The following EIF4G1 variants were observed in gnomAD, a reference collection of about 807,000 sequenced individuals.
The protein encoded by EIF4G1 is EIF4-gamma.
EIF4G1 carries 4 observed loss-of-function variants against 187.8 expected under a neutral mutation model. That is an observed-to-expected ratio of 0.02 (90% CI 0.01 to 0.05). The LOEUF is 0.05. Among genes scored for constraint, EIF4G1 ranks in the 10% least tolerant of loss-of-function variants. The pLI is 1.00. For missense variants in EIF4G1, 1,647 were observed against 2,081.1 expected (o/e 0.79, Z 4.06); for synonymous variants, 844 against 781.4 (o/e 1.08, Z -1.34).
Position 184,316,221 on chromosome 3 carries a change from G to A in EIF4G1, c.147+3G>A. Reference sequence around the variant, plus strand: ...ACACGCCTTCTCAGCCCCGCCAGGTGAGGGGCTGTGGGGAGGGGAGTAGGG... The same window carrying A: ...ACACGCCTTCTCAGCCCCGCCAGGTAAGGGGCTGTGGGGAGGGGAGTAGGG... On this transcript the variant is annotated splice_donor_region_variant and intron_variant, in intron 4 of 32. Coordinates refer to ENST00000346169, the MANE Select transcript of EIF4G1 (RefSeq NM_198241.3). The A allele has an allele frequency of 6.2e-7, 1 of 1,614,032 alleles. No homozygotes were observed. The highest frequency in any genetic ancestry group is 1.7e-4 in the Middle Eastern group (1 of 6,058).
chr3:184,331,161 A>G (rs1726023509), intron 28 of EIF4G1, 105 bp from the exon 29 acceptor site: 1 of 1,210,790 alleles, frequency 8.3e-7, no homozygotes, highest in Non-Finnish European at 1.2e-6. Context: ...CCTAGCAAGT[A>G]CCTAGTAGGC....
chr3:184,331,562 C>T lies in EIF4G1; in HGVS notation c.4351C>T (p.Leu1451=). 6.2e-7 allele frequency: 1 copy of T among 1,605,492 alleles called. No individual in the cohort carries two copies. Among genetic ancestry groups the T allele is most frequent in the Non-Finnish European group, 8.5e-7 (1 of 1,178,170 alleles). ...GCTGAACAGGCAGCTGGAGAAGCTGCTGAAGGAGGGCAGCAGTAACCAGCG... is the reference window on the plus strand; with the variant it reads ...GCTGAACAGGCAGCTGGAGAAGCTGTTGAAGGAGGGCAGCAGTAACCAGCG... The part of the protein sequence containing the change: ...EELNRQLEKL[L]KEGSSNQRVF... The change falls in exon 30 of 33, where the codon CTG becomes TTG. Residue 1451 remains leucine, a synonymous_variant. Transcript: ENST00000346169.
At chr3:184,326,169 C>T (rs137907713) in intron 21 of EIF4G1, among the ~76,000 whole-genome samples, 4 of 150,432 alleles carry the variant, frequency 2.7e-5, no homozygotes, top group East Asian at 3.9e-4. Context: ...CACACACACA[C>T]GTGCCAGATC....
At chr3:184,316,612 C>T in intron 4 of EIF4G1, 1 of 1,156,814 alleles carries the variant, frequency 8.6e-7, no homozygotes, top group Non-Finnish European at 1.2e-6. Flanking sequence ...TTCTTCCTTA[C>T]TAAGTGGGAG....
chr3:184,328,534 G>A, intron 26 of EIF4G1, 97 bp from the exon 27 acceptor site: 2 of 1,551,864 alleles, frequency 1.3e-6, no homozygotes, highest in Non-Finnish European at 1.8e-6. Context: ...AAATGTTCCT[G>A]GGGGTTCCAT....
At chr3:184,324,433 A>G in intron 17 of EIF4G1, 86 bp downstream of exon 17, 1 of 1,593,382 alleles carries the variant, frequency 6.3e-7, no homozygotes, top group Non-Finnish European at 8.6e-7. Flanking sequence ...TTTGGAATGG[A>G]GGTAGTGGTG....
rs1724181393 is a variant in EIF4G1, at chr3:184,323,020, G to A, written c.1930-63G>A. On this transcript the variant is annotated intron_variant, in intron 13 of 32. Transcript: ENST00000346169. The surrounding 1 kb of genome is among the most constrained non-coding windows in gnomAD (Gnocchi z 6.9). ...TGGATGGATTGGGGAGGAGCCTGAG[G>A]TCCTGAAAGAGTAGTCAACCGCTCT... 1 of 1,614,176 alleles carries A rather than the reference G, an allele frequency of 6.2e-7. No homozygotes were observed. The highest frequency in any genetic ancestry group is 1.7e-5 in the Admixed American group (1 of 60,024).
chr3:184,327,619 C>T lies in EIF4G1; in HGVS notation c.3695C>T (p.Pro1232Leu). 1 of 1,614,172 alleles carries T rather than the reference C, an allele frequency of 6.2e-7. No individual in the cohort carries two copies. The highest frequency in any genetic ancestry group is 8.5e-7 in the Non-Finnish European group (1 of 1,180,012). The change falls in exon 25 of 33, where the codon CCC becomes CTC. Residue 1232 changes from proline to leucine, a missense_variant. Pro to Leu is a moderately conservative substitution (Grantham distance 98). Transcript: ENST00000346169. Reference sequence around the variant, plus strand: ...GAAGCTGCCCTACCCCCAGTGAGCCCCCTGAAGGCGGCTCTCTCTGAGGAG... The same window carrying T: ...GAAGCTGCCCTACCCCCAGTGAGCCTCCTGAAGGCGGCTCTCTCTGAGGAG... ...KREAALPPVS[P>L]LKAALSEEEL...
chr3:184,327,692 C>G lies in EIF4G1; in HGVS notation c.3768C>G (p.Leu1256=). ...CTATCATTGAGGAATATCTCCATCT[C>G]AATGACATGAAAGTAGGCAGTGGGA... ...SKAIIEEYLH[L]NDMKEAVQCV... Residue 1256 remains leucine (L), a synonymous_variant, in exon 25 of 33, where the codon CTC becomes CTG. Transcript: ENST00000346169. The G allele has an allele frequency of 6.2e-7, 1 of 1,614,164 alleles. No homozygotes were observed. Among genetic ancestry groups the G allele is most frequent in the East Asian group, 2.2e-5 (1 of 44,878 alleles).
At chr3:184,327,527 C>A in intron 24 of EIF4G1, 59 bp from the exon 25 acceptor site, 1 of 1,612,584 alleles carries the variant, frequency 6.2e-7, no homozygotes, top group Admixed American at 1.7e-5. Context: ...TTGAGAGCTC[C>A]AAATCTTGTT....
rs1724115224 is a variant in EIF4G1 at position 184,322,622 on chromosome 3, G to T, written c.1687G>T (p.Val563Leu). Residue 563 changes from valine to leucine, a missense_variant, in exon 12 of 33, where the codon GTG becomes TTG. Val to Leu is a conservative substitution (Grantham distance 32, BLOSUM62 1). Coordinates refer to ENST00000346169, the MANE Select transcript of EIF4G1 (RefSeq NM_198241.3). Reference sequence around the variant, plus strand: ...AGGCCCAGAGTCTGAGGGCAGTGGTGTGCCCCCACGTCCTGAGGAAGCAGA... The same window carrying T: ...AGGCCCAGAGTCTGAGGGCAGTGGTTTGCCCCCACGTCCTGAGGAAGCAGA... ...NPGPESEGSG[V>L]PPRPEEADET... 1.6e-5 allele frequency: 26 copies of T among 1,614,214 alleles called. No individual in the cohort carries two copies. The highest frequency in any genetic ancestry group is 2.1e-5 in the Non-Finnish European group (25 of 1,180,036).
chr3:184,330,983 G>A (rs937589334), intron 28 of EIF4G1, among the ~76,000 whole-genome samples: 5 of 152,112 alleles, frequency 3.3e-5, no homozygotes, highest in Non-Finnish European at 7.4e-5. Flanking sequence ...CAGGTGATCC[G>A]CCCACCTCGA....
rs774628949 is a variant in EIF4G1, at chr3:184,334,884, A to G, written c.4776A>G (p.Ala1592=). The G allele has an allele frequency of 1.2e-6, 2 of 1,614,064 alleles. No individual in the cohort carries two copies. Among genetic ancestry groups the G allele is most frequent in the Non-Finnish European group, 1.7e-6 (2 of 1,180,022 alleles). ...VTAFFKWLRE[A]EEESDHN is the part of the protein sequence containing the mutation. ...CCTTCTTCAAGTGGCTCCGTGAAGC[A>G]GAGGAGGAGTCTGACCACAACTGAG... Residue 1592 remains alanine (A), a synonymous_variant, in exon 33 of 33, where the codon GCA becomes GCG. Transcript: ENST00000346169. This position sits in a 1 kb window ranked among gnomAD's most constrained non-coding sequence, Gnocchi z 5.8.
At chr3:184,324,115 C>A (rs949968758) in intron 16 of EIF4G1, 86 bp from the exon 17 acceptor site, 1 of 1,607,890 alleles carries the variant, frequency 6.2e-7, no homozygotes, top group Non-Finnish European at 8.5e-7. Context: ...GGCCAGAGAT[C>A]TTCCTGGGTC....
chr3:184,328,039 A>G, intron 26 of EIF4G1, 37 bp downstream of exon 26: 1 of 1,597,000 alleles, frequency 6.3e-7, no homozygotes, highest in South Asian at 1.1e-5. Flanking sequence ...ACTTATACAG[A>G]CCCACAATTT....
At position 184,326,675 on chromosome 3, in the gene EIF4G1, C is replaced by T. The variant is rs1724981628; in HGVS notation, c.3325+46C>T. ...GCTGGGTGGTTACCCGTCAGAGCTC[C>T]CTTGAGGACAGAGCCTTTTCTGTTA... On this transcript the variant is annotated intron_variant, in intron 22 of 32. Transcript: ENST00000346169. The T allele has an allele frequency of 1.9e-6, 3 of 1,598,756 alleles. No homozygotes were observed. The Admixed American group carries it at 5.0e-5, about 27-fold the overall frequency.
intron 4 of EIF4G1, chr3:184,316,624 A>G: frequency 7.9e-7 from 1 of 1,270,050 alleles, no homozygotes; most frequent in Non-Finnish European, 1.1e-6. Flanking sequence ...AAGTGGGAGG[A>G]TTCTTGTCCT....
At position 184,323,777 on chromosome 3, in the gene EIF4G1, C is replaced by T. The variant is rs187829498; in HGVS notation, c.2275-3C>T. The stretch of plus-strand genomic sequence containing the variant: ...CTGGAACTCTTGTCTCTTCTCCCTC[C>T]AGGACCTATTCCGCAGGGTGCGCTC... On this transcript the variant is annotated splice_region_variant and splice_polypyrimidine_tract_variant and intron_variant, in intron 15 of 32. Transcript: ENST00000346169. This position sits in a 1 kb window ranked among gnomAD's most constrained non-coding sequence, Gnocchi z 6.9. The T allele has an allele frequency of 3.7e-6, 6 of 1,613,666 alleles. No homozygotes were observed. The African/African-American group carries it at 6.7e-5, about 18-fold the overall frequency.
intron 6 of EIF4G1, chr3:184,319,336 C>T (rs1723368739): frequency 2.9e-6 from 1 of 342,684 alleles, no homozygotes; most frequent in Non-Finnish European, 5.7e-6. Context: ...GGGTGGGGTA[C>T]ACACACGAGA....
Sources: gnomAD v4.1 joint callset for allele counts (sites outside exome capture counted in the v4.1 genomes callset) on GRCh38, gnomAD v4.1.1 for gene constraint, Gnocchi (gnomAD v3.1) non-coding constraint, MANE v1.5 for transcripts, NCBI Gene and HGNC (gene_info 2026-07-23, HGNC 2026-07-21) for gene names.